CCDC7: variants seen among roughly 807,000 people sequenced by gnomAD.
CCDC7 encodes the protein coiled-coil domain-containing protein 7.
CCDC7 carries 183 observed loss-of-function variants against 196.9 expected under a neutral mutation model. That is an observed-to-expected ratio of 0.93 (90% CI 0.82 to 1.05). The LOEUF (loss-of-function observed/expected upper bound fraction) is 1.05, where lower values mean the gene tolerates loss of function less well. CCDC7 is among the 50% of genes least tolerant of loss of function. CCDC7 has a pLI of 0.00. For missense variants in CCDC7, 1,540 were observed against 1,482.2 expected (o/e 1.04, Z -0.64); for synonymous variants, 525 against 484.6 (o/e 1.08, Z -1.10).
intron 29 of CCDC7, among the ~76,000 whole-genome samples, chr10:32,782,369 G>A (rs532126335): frequency 9.2e-5 from 14 of 152,006 alleles, no homozygotes; most frequent in African/African-American, 2.9e-4. Flanking sequence ...CTGGAATTAC[G>A]GGCACATGCC....
At chr10:32,630,832 GC>G (rs2064762319) in intron 18 of CCDC7, among the ~76,000 whole-genome samples, 1 of 151,946 alleles carries the variant, frequency 6.6e-6, no homozygotes, top group South Asian at 2.1e-4. Context: ...AGAAAATATA[GC>G]CCCAAATTCT....
chr10:32,882,347 C>G (rs941556295), intron 22 of CCDC7, among the ~76,000 whole-genome samples: 2 of 152,158 alleles, frequency 1.3e-5, no homozygotes, highest in Non-Finnish European at 2.9e-5. Context: ...GGTTAGATAT[C>G]AAGCATGAGA....
intron 32 of CCDC7, among the ~76,000 whole-genome samples, chr10:32,830,713 G>T (rs547153649): frequency 6.6e-6 from 1 of 152,146 alleles, no homozygotes; most frequent in Non-Finnish European, 1.5e-5. Flanking sequence ...CACTAGAGGG[G>T]CTCAAGAGTA....
rs746569654 is a variant in CCDC7, at chr10:32,846,469, A to G, written c.3688+10A>G. 4.6e-6 allele frequency: 7 copies of G among 1,534,380 alleles called. No homozygotes were observed. Among genetic ancestry groups the G allele is most frequent in the Non-Finnish European group, 6.3e-6 (7 of 1,118,298 alleles). ...TTAAAGAGTCACCAGGGTAAGAAAA[A>G]TAATTTTTGAGTCTAATATTTGTGA... is the stretch of plus-strand genomic sequence containing the variant. On this transcript the variant is annotated intron_variant, in intron 37 of 41. Coordinates refer to ENST00000639629, the Ensembl canonical transcript of CCDC7.
At chr10:32,511,551 T>G (rs2046209996) in intron 9 of CCDC7, 1 of 1,608,070 alleles carries the variant, frequency 6.2e-7, no homozygotes, top group East Asian at 2.2e-5. Context: ...AACATTGAAT[T>G]TAATGTGTAT....
chr10:32,629,480 C>T (rs1300068203), intron 18 of CCDC7, among the ~76,000 whole-genome samples: 2 of 151,986 alleles, frequency 1.3e-5, no homozygotes, highest in African/African-American at 2.4e-5. Context: ...CTACAAAAGT[C>T]GGTCTCCTTG....
intron 9 of CCDC7, among the ~76,000 whole-genome samples, chr10:32,507,212 C>T (rs565022057): frequency 5.9e-5 from 9 of 152,070 alleles, no homozygotes; most frequent in Admixed American, 2.0e-4. Context: ...AAGATGGTCT[C>T]GATCTCTTGA....
At chr10:32,551,864 T>C (rs990698402) in intron 13 of CCDC7, among the ~76,000 whole-genome samples, 8 of 152,152 alleles carry the variant, frequency 5.3e-5, no homozygotes, top group Non-Finnish European at 1.0e-4. Flanking sequence ...GAATAGAATG[T>C]GTATTCTGTG....
exon 19 of CCDC7, chr10:32,634,274 G>A: frequency 8.2e-7 from 1 of 1,213,786 alleles, no homozygotes; most frequent in South Asian, 4.2e-5. Flanking sequence ...AGTTCCAGAT[G>A]AAAATCTTAT....
intron 16 of CCDC7, among the ~76,000 whole-genome samples, chr10:32,572,885 T>C (rs1590052241): frequency 6.8e-6 from 1 of 146,500 alleles, no homozygotes; most frequent in East Asian, 2.0e-4. Flanking sequence ...TTTTTTTTTT[T>C]TTTTTCTTCA....
At chr10:32,500,212 C>T (rs1250401935) in intron 9 of CCDC7, among the ~76,000 whole-genome samples, 18 of 146,558 alleles carry the variant, frequency 1.2e-4, no homozygotes, top group East Asian at 4.3e-4. Context: ...CCGGATGGGG[C>T]GGCCGGCCTG....
chr10:32,730,735 T>TA (rs76449157), intron 28 of CCDC7, among the ~76,000 whole-genome samples: 21,776 of 151,930 alleles, frequency 0.14, 1,893 homozygotes, highest in African/African-American at 0.25. Context: ...CCACCATAGA[T>TA]ACAGTTCTCT....
At chr10:32,850,671 A>G (rs951738951) in intron 39 of CCDC7, among the ~76,000 whole-genome samples, 1 of 152,184 alleles carries the variant, frequency 6.6e-6, no homozygotes, top group African/African-American at 2.4e-5. Flanking sequence ...CATCAGTGCC[A>G]AAGACCACGA....
At chr10:32,761,229 C>G (rs1473990510) in intron 28 of CCDC7, among the ~76,000 whole-genome samples, 2 of 151,992 alleles carry the variant, frequency 1.3e-5, no homozygotes, top group African/African-American at 2.4e-5. Flanking sequence ...GGGCACCCAG[C>G]AGTTACCACA....
At position 32,614,255 on chromosome 10, in the gene CCDC7, T is replaced by G. The variant is rs1270776261; in HGVS notation, c.1802-19999T>G. 2.0e-5 allele frequency among the ~76,000 whole-genome samples: 3 copies of G among 151,992 alleles called. No individual in the cohort carries two copies. In the East Asian group the frequency reaches 5.8e-4, roughly 29 times the overall value. ...CCTGGTTTTTTTTTTCTTTTCTTTTTTTTTTTGCTTTGCTTTCCATTTGCT... is the reference window on the plus strand; with the variant it reads ...CCTGGTTTTTTTTTTCTTTTCTTTTGTTTTTTGCTTTGCTTTCCATTTGCT... On this transcript the variant is annotated intron_variant, in intron 18 of 41. Transcript: ENST00000639629.
At position 32,484,104 on chromosome 10, in the gene CCDC7, A is replaced by G. The variant is rs190183814; in HGVS notation, c.797-7818A>G. Among the ~76,000 whole-genome samples the G allele has an allele frequency of 3.3e-3, 504 of 152,198 alleles. 2 individuals are homozygous for G. The highest frequency in any genetic ancestry group is 0.011 in the African/African-American group (447 of 41,528). On this transcript the variant is annotated intron_variant, in intron 8 of 41. Coordinates refer to ENST00000639629, the Ensembl canonical transcript of CCDC7. ...CCTTGGGCAGTATGGCCATTTTCACAATATTGATTCTTCCTATCCATGAGC... is the reference window on the plus strand; with the variant it reads ...CCTTGGGCAGTATGGCCATTTTCACGATATTGATTCTTCCTATCCATGAGC...
chr10:32,562,316 C>T (rs964004305), intron 13 of CCDC7, among the ~76,000 whole-genome samples: 2 of 152,134 alleles, frequency 1.3e-5, no homozygotes, highest in Admixed American at 1.3e-4. Flanking sequence ...CCAGCATCAT[C>T]CTGATATCAA....
intron 32 of CCDC7, among the ~76,000 whole-genome samples, chr10:32,828,249 A>G (rs372452055): frequency 2.0e-5 from 3 of 152,056 alleles, no homozygotes; most frequent in African/African-American, 4.8e-5. Flanking sequence ...GTCTTTGCTT[A>G]TAACTCCTGT....
chr10:32,465,709 C>T (rs2036630693), intron 5 of CCDC7, among the ~76,000 whole-genome samples: 1 of 152,126 alleles, frequency 6.6e-6, no homozygotes, highest in African/African-American at 2.4e-5. Flanking sequence ...TACCTTTATG[C>T]ATGTAATTTA....
Sources: gnomAD v4.1 joint callset for allele counts (sites outside exome capture counted in the v4.1 genomes callset) on GRCh38, gnomAD v4.1.1 for gene constraint, MANE v1.5 for transcripts, NCBI Gene and HGNC (gene_info 2026-07-23, HGNC 2026-07-21) for gene names.